CLVS1: variants seen among roughly 807,000 people sequenced by gnomAD.
CLVS1 encodes clavesin 1.
CLVS1 carries 10 observed loss-of-function variants against 33.1 expected under a neutral mutation model. The ratio of observed to expected loss-of-function variants is 0.30; its 90% CI spans 0.19 to 0.51. The LOEUF (loss-of-function observed/expected upper bound fraction) is 0.51, where lower values mean the gene tolerates loss of function less well. CLVS1 is among the 20% of genes least tolerant of loss of function. The probability of loss-of-function intolerance (pLI) is 0.97; values close to 1 mark genes in which losing one functional copy is unlikely to be tolerated. For synonymous variants in CLVS1, 163 were observed against 166.1 expected (o/e 0.98, Z 0.14); for missense variants, 343 against 433.4 (o/e 0.79, Z 1.85).
chr8:61,378,706 C>G (rs537645895), intron 3 of CLVS1, among the ~76,000 whole-genome samples: 52 of 152,294 alleles, frequency 3.4e-4, no homozygotes, highest in African/African-American at 1.3e-3. Context: ...GCACTCAGGG[C>G]TACTGAAGAC....
At chr8:61,205,102 T>A (rs1188075376) in intron 2 of CLVS1, among the ~76,000 whole-genome samples, 1 of 152,202 alleles carries the variant, frequency 6.6e-6, no homozygotes, top group East Asian at 1.9e-4. Context: ...AGAATGCTGT[T>A]TAAAAATTTT....
chr8:60,978,042 A>G, the CLVS1 span, among the ~76,000 whole-genome samples: 1 of 152,266 alleles, frequency 6.6e-6, no homozygotes, highest in Middle Eastern at 3.2e-3. Flanking sequence ...CAAGAATTGT[A>G]TATCTAGCAA....
At chr8:61,166,621 T>A (rs1265312250) in intron 2 of CLVS1, among the ~76,000 whole-genome samples, 2 of 152,184 alleles carry the variant, frequency 1.3e-5, no homozygotes, top group Middle Eastern at 3.4e-3. Context: ...CTAAAAAAAA[T>A]TTTTTTGATT....
intron 3 of CLVS1, among the ~76,000 whole-genome samples, chr8:61,389,489 G>A (rs1228365770): frequency 6.6e-6 from 1 of 151,826 alleles, no homozygotes; most frequent in African/African-American, 2.4e-5. Context: ...GTTGCAGTGA[G>A]CCAAGACTGC....
chr8:61,137,497 G>A (rs1384709102), intron 2 of CLVS1, among the ~76,000 whole-genome samples: 1 of 152,080 alleles, frequency 6.6e-6, no homozygotes, highest in African/African-American at 2.4e-5. Context: ...GATGTAAGAA[G>A]CACTTGATAC....
chr8:61,115,984 C>T lies in CLVS1; in HGVS notation c.-242-15786C>T, dbSNP rs1805716752. ...CACAATGGTTGAACTAGTTTACAGT[C>T]CCACCAACAGTGTAAAAGTGTTCCT... is the stretch of plus-strand genomic sequence containing the variant. On this transcript the variant is annotated intron_variant, in intron 1 of 2. Coordinates refer to the CLVS1 transcript ENST00000522621. Among the ~76,000 whole-genome samples the T allele has an allele frequency of 2.1e-5, 3 of 145,256 alleles. No individual in the cohort carries two copies. The Admixed American group carries it at 2.1e-4, about 10-fold the overall frequency.
intron 2 of CLVS1, among the ~76,000 whole-genome samples, chr8:61,245,094 G>A (rs1808778770): frequency 6.6e-6 from 1 of 151,962 alleles, no homozygotes; most frequent in South Asian, 2.1e-4. Context: ...TGACTACTTT[G>A]GCATATATTA....
intron 1 of CLVS1, among the ~76,000 whole-genome samples, chr8:61,057,432 G>C (rs1055659218): frequency 6.7e-6 from 1 of 149,440 alleles, no homozygotes; most frequent in Non-Finnish European, 1.5e-5. Flanking sequence ...AGGAAAATTT[G>C]GCCTCTAAAT....
At chr8:61,052,659 G>C (rs1776843497), upstream of CLVS1, among the ~76,000 whole-genome samples, 1 of 152,220 alleles carries the variant, frequency 6.6e-6, no homozygotes, top group African/African-American at 2.4e-5. Flanking sequence ...GACCTGAGCT[G>C]AGGGAGGGGC....
chr8:61,415,029 G>C (rs1815376127), intron 3 of CLVS1, among the ~76,000 whole-genome samples: 1 of 152,266 alleles, frequency 6.6e-6, no homozygotes, highest in Admixed American at 6.5e-5. Flanking sequence ...AGTTAACCGA[G>C]GTTTCCCAGT....
At chr8:61,297,635 G>A (rs1810265857) in intron 1 of CLVS1, among the ~76,000 whole-genome samples, 2 of 152,274 alleles carry the variant, frequency 1.3e-5, no homozygotes, top group African/African-American at 4.8e-5. Context: ...TGTTCAGTAG[G>A]CTGTAGAATG....
chr8:60,995,164 A>G, the CLVS1 span, among the ~76,000 whole-genome samples: 1 of 152,284 alleles, frequency 6.6e-6, no homozygotes, highest in African/African-American at 2.4e-5. Context: ...GACAAATGGC[A>G]TCTAATTAAA....
intron 3 of CLVS1, among the ~76,000 whole-genome samples, chr8:61,399,554 C>A (rs541361020): frequency 7.9e-5 from 12 of 152,272 alleles, no homozygotes; most frequent in Admixed American, 7.8e-4. Context: ...TCCCATTTGT[C>A]AATTTTTGCT....
At chr8:61,497,674 T>C (rs1366269264) in intron 5 of CLVS1, among the ~76,000 whole-genome samples, 30 of 152,256 alleles carry the variant, frequency 2.0e-4, no homozygotes, top group Non-Finnish European at 1.5e-5. Context: ...TTGGATCTCA[T>C]GCAAGAAAGA....
At chr8:61,033,983 A>T in the CLVS1 span, among the ~76,000 whole-genome samples, 1 of 152,188 alleles carries the variant, frequency 6.6e-6, no homozygotes, top group Non-Finnish European at 1.5e-5. Context: ...TTCTGGCAGC[A>T]TTGGCTCTGC....
the CLVS1 span, among the ~76,000 whole-genome samples, chr8:61,032,067 C>T: frequency 6.6e-6 from 1 of 152,164 alleles, no homozygotes; most frequent in Admixed American, 6.5e-5. Flanking sequence ...TGTTAGATGG[C>T]AGTGTGGGAA....
chr8:61,431,149 A>G (rs1816097060), intron 3 of CLVS1, among the ~76,000 whole-genome samples: 1 of 152,214 alleles, frequency 6.6e-6, no homozygotes, highest in Non-Finnish European at 1.5e-5. Flanking sequence ...TCACTTACAT[A>G]GAGAAGTCAG....
At chr8:61,121,202 A>G (rs902707657) in intron 1 of CLVS1, among the ~76,000 whole-genome samples, 23 of 152,100 alleles carry the variant, frequency 1.5e-4, no homozygotes, top group African/African-American at 3.6e-4. Flanking sequence ...TGCGCTTCCA[A>G]AGTGAGGCAA....
intron 2 of CLVS1, among the ~76,000 whole-genome samples, chr8:61,202,094 G>A (rs1336724293): frequency 1.3e-5 from 2 of 152,194 alleles, no homozygotes; most frequent in African/African-American, 2.4e-5. Context: ...GCTGAGAAAG[G>A]TAAAAACACC....
Sources: allele counts gnomAD v4.1 joint callset (sites outside exome capture counted in the v4.1 genomes callset), GRCh38; gene constraint gnomAD v4.1.1; transcripts MANE v1.5; gene names NCBI Gene and HGNC (gene_info 2026-07-23, HGNC 2026-07-21).